Variants in NKAIN3 observed in about 807,000 individuals in gnomAD.
NKAIN3 encodes sodium/potassium-transporting ATPase subunit beta-1-interacting protein 3.
In NKAIN3, 25 loss-of-function variants were observed where a neutral mutation model predicts 30.2. That is an observed-to-expected ratio of 0.83 (90% CI 0.60 to 1.16). The LOEUF (loss-of-function observed/expected upper bound fraction) is 1.16, where lower values mean the gene tolerates loss of function less well. Among genes scored for constraint, NKAIN3 ranks in the 50% most tolerant of loss-of-function variants. NKAIN3 has a pLI of 0.00. For missense variants in NKAIN3, 225 were observed against 254.1 expected (o/e 0.89, Z 0.78); for synonymous variants, 91 against 89.6 (o/e 1.02, Z -0.09).
intron 1 of NKAIN3, among the ~76,000 whole-genome samples, chr8:62,551,612 A>G (rs1042272238): frequency 6.6e-6 from 1 of 152,204 alleles, no homozygotes; most frequent in African/African-American, 2.4e-5. Context: ...ACAAAACACT[A>G]TGTTGTTTGA....
At chr8:62,944,439 A>C (rs1282919176) in intron 5 of NKAIN3, among the ~76,000 whole-genome samples, 1 of 152,168 alleles carries the variant, frequency 6.6e-6, no homozygotes, top group Non-Finnish European at 1.5e-5. Flanking sequence ...AAACTGCTGA[A>C]ATTTTTATTG....
chr8:62,981,032 A>C lies in NKAIN3; in HGVS notation c.*15625A>C, dbSNP rs553494403. 5.3e-5 allele frequency: 8 copies of C among 152,302 alleles called. No individual in the cohort carries two copies. Among genetic ancestry groups the C allele is most frequent in the Admixed American group, 4.6e-4 (7 of 15,294 alleles). The allele number at this position is 152,302 out of a possible 1,614,324, so 9.4% of individuals were successfully genotyped here. ...TCTTTGGTCTGAAGACTCAGAGCTTAAATTGCATTGGTCCTGTTAATCTTT... is the reference window on the plus strand; with the variant it reads ...TCTTTGGTCTGAAGACTCAGAGCTTCAATTGCATTGGTCCTGTTAATCTTT... On this transcript the variant is annotated 3_prime_UTR_variant, in exon 7 of 7. Transcript: ENST00000623646.
intron 1 of NKAIN3, among the ~76,000 whole-genome samples, chr8:62,415,818 C>T (rs890640648): frequency 5.9e-5 from 9 of 151,724 alleles, no homozygotes; most frequent in East Asian, 1.9e-4. Context: ...AGTGCAGTGG[C>T]GCGATCTCGG....
chr8:62,458,278 G>T (rs1469245241), intron 1 of NKAIN3, among the ~76,000 whole-genome samples: 7 of 152,162 alleles, frequency 4.6e-5, no homozygotes, highest in Admixed American at 3.9e-4. Flanking sequence ...AACCTAAGGA[G>T]TAAGGAAAGC....
chr8:62,314,309 C>T (rs1197788123), intron 1 of NKAIN3, among the ~76,000 whole-genome samples: 1 of 152,168 alleles, frequency 6.6e-6, no homozygotes, highest in Non-Finnish European at 1.5e-5. Flanking sequence ...ATTCTGCTGA[C>T]ATAATCCAGA....
chr8:62,943,829 G>A (rs1823046487), intron 5 of NKAIN3, among the ~76,000 whole-genome samples: 1 of 148,676 alleles, frequency 6.7e-6, no homozygotes, highest in African/African-American at 2.5e-5. Flanking sequence ...TATACACCAT[G>A]GACTATTACT....
intron 1 of NKAIN3, among the ~76,000 whole-genome samples, chr8:62,253,987 A>G (rs1812189487): frequency 6.6e-6 from 1 of 152,082 alleles, no homozygotes; most frequent in Non-Finnish European, 1.5e-5. Context: ...ACCGTGGTTC[A>G]TGCTATGAAA....
intron 1 of NKAIN3, among the ~76,000 whole-genome samples, chr8:62,416,886 G>C (rs927510096): frequency 2.0e-4 from 31 of 151,756 alleles, no homozygotes; most frequent in African/African-American, 7.5e-4. Context: ...CAGCTACTTG[G>C]GAGGCCGAGG....
intron 1 of NKAIN3, among the ~76,000 whole-genome samples, chr8:62,478,522 C>T (rs1806595569): frequency 6.6e-6 from 1 of 152,180 alleles, no homozygotes; most frequent in East Asian, 1.9e-4. Flanking sequence ...CCTGACTCTA[C>T]CAACACTAAG....
chr8:62,588,367 A>C lies in NKAIN3; in HGVS notation c.193-1347A>C, dbSNP rs187593312. Among the ~76,000 whole-genome samples the C allele has an allele frequency of 2.8e-3, 422 of 151,938 alleles. 4 individuals carry two copies. The highest frequency in any genetic ancestry group is 9.2e-3 in the African/African-American group (383 of 41,528). On this transcript the variant is annotated intron_variant, in intron 2 of 6. Transcript: ENST00000623646. Reference sequence around the variant, plus strand: ...ACTTTTTAACATGTTTTCCAACTAAATTTCCAGTGATTTTTGAGCTTTTAC... The same window carrying C: ...ACTTTTTAACATGTTTTCCAACTAACTTTCCAGTGATTTTTGAGCTTTTAC...
chr8:62,863,242 T>G (rs1237897314), intron 4 of NKAIN3: 1 of 1,569,882 alleles, frequency 6.4e-7, no homozygotes, highest in Admixed American at 1.8e-5. Context: ...ATTTTTCAGT[T>G]TTTTCTTTTT....
chr8:62,360,145 C>T (rs1816505452), intron 1 of NKAIN3, among the ~76,000 whole-genome samples: 1 of 152,178 alleles, frequency 6.6e-6, no homozygotes, highest in South Asian at 2.1e-4. Flanking sequence ...GGGGAGGAGG[C>T]ATCTGTCCTG....
intron 4 of NKAIN3, among the ~76,000 whole-genome samples, chr8:62,907,399 A>T (rs1413005376): frequency 6.6e-6 from 1 of 152,242 alleles, no homozygotes; most frequent in African/African-American, 2.4e-5. Context: ...CAAAAGCAAA[A>T]CCCATTTTCT....
chr8:62,908,001 A>G (rs1821830982), intron 4 of NKAIN3, among the ~76,000 whole-genome samples: 2 of 152,220 alleles, frequency 1.3e-5, no homozygotes, highest in South Asian at 4.1e-4. Context: ...GAAAAGCCAC[A>G]GACACTCATT....
chr8:62,629,667 A>G (rs1811895001), intron 3 of NKAIN3, among the ~76,000 whole-genome samples: 2 of 152,160 alleles, frequency 1.3e-5, no homozygotes, highest in Admixed American at 1.3e-4. Flanking sequence ...TTCTGAGGGA[A>G]TTTAAGGAAA....
Position 62,982,280 on chromosome 8 carries a change from A to G in NKAIN3, c.*16873A>G, listed in dbSNP as rs1824100347. The G allele has an allele frequency of 6.6e-6, 1 of 152,184 alleles. No homozygotes were observed. The highest frequency in any genetic ancestry group is 1.5e-5 in the Non-Finnish European group (1 of 68,024). 9.4% of individuals were successfully genotyped at this position (152,184 alleles called of 1,614,324 possible). On this transcript the variant is annotated 3_prime_UTR_variant, in exon 7 of 7. Coordinates refer to ENST00000623646, the MANE Select transcript of NKAIN3 (RefSeq NM_001304533.3). Reference sequence around the variant, plus strand: ...CTGAAATTATTAATTATTGACTTCTACTTAAATAAGATCTTATTTTCATCT... The same window carrying G: ...CTGAAATTATTAATTATTGACTTCTGCTTAAATAAGATCTTATTTTCATCT...
intron 4 of NKAIN3, among the ~76,000 whole-genome samples, chr8:62,870,639 A>T (rs28535037): frequency 8.5e-6 from 1 of 117,116 alleles, no homozygotes; most frequent in African/African-American, 3.4e-5. Context: ...ACTCTATTTT[A>T]TATATATATC....
chr8:62,827,441 C>T (rs564967315), intron 4 of NKAIN3, among the ~76,000 whole-genome samples: 3 of 152,144 alleles, frequency 2.0e-5, no homozygotes, highest in Non-Finnish European at 2.9e-5. Context: ...TAATAATTAT[C>T]CATCAATTCT....
chr8:62,453,742 T>G (rs765844430), intron 1 of NKAIN3, among the ~76,000 whole-genome samples: 9 of 152,174 alleles, frequency 5.9e-5, no homozygotes, highest in Admixed American at 1.3e-4. Flanking sequence ...GAGACTGTTA[T>G]AAGCACCGAT....
Sources: allele counts gnomAD v4.1 joint callset (sites outside exome capture counted in the v4.1 genomes callset), GRCh38; gene constraint gnomAD v4.1.1; transcripts MANE v1.5; gene names NCBI Gene and HGNC (gene_info 2026-07-23, HGNC 2026-07-21).